Variants in TULP1 observed in about 807,000 individuals in gnomAD.
TULP1 encodes TUB like protein 1, also known as tubby-related protein 1.
A neutral mutation model predicts 67.1 loss-of-function variants in TULP1; 50 were observed. The observed-to-expected ratio is 0.75, with a 90% CI of 0.59 to 0.94. The LOEUF (loss-of-function observed/expected upper bound fraction) is 0.94, where lower values mean the gene tolerates loss of function less well. Ranked by LOEUF, TULP1 falls within the 40% of genes least tolerant of loss-of-function variation. The pLI, the probability that TULP1 is intolerant of heterozygous loss-of-function variation, is 0.00. For synonymous variants in TULP1, 297 were observed against 294.0 expected, an observed-to-expected ratio of 1.01 and a Z score of -0.11; for missense variants, 746 against 734.1, an observed-to-expected ratio of 1.02 and a Z score of -0.19.
chr6:35,504,079 T>C (rs1761029937), intron 11 of TULP1: 2 of 506,508 alleles, frequency 3.9e-6, no homozygotes, highest in Non-Finnish European at 7.2e-6. Flanking sequence ...ACTTTGGGAG[T>C]CAGAGGAGGG....
chr6:35,512,117 T>C, intron 3 of TULP1, 63 bp downstream of exon 3: 1 of 849,958 alleles, frequency 1.2e-6, no homozygotes. Context: ...GCGCCGGCCC[T>C]CAAGCCCCTC....
chr6:35,506,296 C>T lies in TULP1; in HGVS notation c.823-17G>A, dbSNP rs12215920. 35 of 1,562,920 alleles carry T rather than the reference C, an allele frequency of 2.2e-5. No individual in the cohort carries two copies. The African/African-American group carries it at 4.3e-4, about 19-fold the overall frequency. ...CACCGCTTTCTGTGTGCGGAGAGAACAGAGAGGCTGGCTAGAGCAGGGGCC... is the reference window on the plus strand; with the variant it reads ...CACCGCTTTCTGTGTGCGGAGAGAATAGAGAGGCTGGCTAGAGCAGGGGCC... On this transcript the variant is annotated splice_polypyrimidine_tract_variant and intron_variant, in intron 8 of 14. Transcript: ENST00000229771.
chr6:35,504,481 T>C (rs1017367138), intron 11 of TULP1, among the ~76,000 whole-genome samples: 1 of 152,238 alleles, frequency 6.6e-6, no homozygotes, highest in African/African-American at 2.4e-5. Flanking sequence ...CTTCCCCATC[T>C]ATAAAATGGG....
chr6:35,507,411 A>G (rs1761108445), intron 8 of TULP1, among the ~76,000 whole-genome samples: 2 of 151,984 alleles, frequency 1.3e-5, no homozygotes, highest in Non-Finnish European at 2.9e-5. Flanking sequence ...TACTCTGCTA[A>G]GCCACTCCTA....
chr6:35,512,570 C>T (rs182947980), intron 2 of TULP1, 69 bp downstream of exon 2: 1 of 1,607,374 alleles, frequency 6.2e-7, no homozygotes, highest in East Asian at 2.2e-5. Context: ...CCCCTAGACC[C>T]CCTACCCTGC....
chr6:35,504,508 C>T (rs1469583427), intron 11 of TULP1, among the ~76,000 whole-genome samples: 1 of 152,202 alleles, frequency 6.6e-6, no homozygotes, highest in African/African-American at 2.4e-5. Flanking sequence ...AACAGCATTT[C>T]CCTCATTTGG....
intron 13 of TULP1, among the ~76,000 whole-genome samples, chr6:35,500,585 G>A (rs1341419618): frequency 6.6e-6 from 1 of 152,170 alleles, no homozygotes; most frequent in East Asian, 1.9e-4. Context: ...AAAGGAAGGA[G>A]CAGGGTCTGT....
At position 35,512,184 on chromosome 6, in the gene TULP1, G is replaced by A. The variant is rs1435991385; in HGVS notation, c.186C>T (p.Pro62=). 1 of 1,346,318 alleles carries A rather than the reference G, an allele frequency of 7.4e-7. No individual in the cohort carries two copies. Among genetic ancestry groups the A allele is most frequent in the Middle Eastern group, 2.4e-4 (1 of 4,182 alleles). The allele number at this position is 1,346,318 out of a possible 1,614,324, so 83.4% of individuals were successfully genotyped here. ...CGGGCTCTGCACCCCGCCCACCTCC[G>A]GGCTTCCGGGGCTTGGATCCCGTGG... ...PCPTGSKPRK[P]GAGRTGRPRE... is the part of the protein sequence containing the mutation. Residue 62 remains proline, a synonymous_variant, in exon 3 of 15, where the codon CCC becomes CCT. Transcript: ENST00000229771.
Position 35,503,369 on chromosome 6 carries a change from A to C in TULP1, c.1323+190T>G, listed in dbSNP as rs761028953. The C allele has an allele frequency of 3.0e-5, 19 of 623,928 alleles. No individual in the cohort carries two copies. The highest frequency in any genetic ancestry group is 5.1e-5 in the Non-Finnish European group (18 of 356,354). The allele number at this position is 623,928 out of a possible 1,614,324, so 38.6% of individuals were successfully genotyped here. ...TGAATTTGATGTAAACTCCAAAAAC[A>C]ACCAAAAAGCCCATTGTGGTTTTTC... On this transcript the variant is annotated intron_variant, in intron 13 of 14. Transcript: ENST00000229771. This position sits in a 1 kb window ranked among gnomAD's most constrained non-coding sequence, Gnocchi z 4.0.
chr6:35,510,651 CA>C, intron 5 of TULP1: 1 of 1,014,848 alleles, frequency 9.9e-7, no homozygotes, highest in Non-Finnish European at 1.4e-6. Context: ...GCTCAAGGGG[CA>C]GGGGCAGTGG....
rs954359346 is a variant in TULP1 at position 35,504,049 on chromosome 6, C to G, written c.1113-201G>C. The G allele has an allele frequency of 5.4e-6, 3 of 551,850 alleles. No homozygotes were observed. The African/African-American group carries it at 5.7e-5, about 10-fold the overall frequency. 34.2% of individuals were successfully genotyped at this position (551,850 alleles called of 1,614,324 possible). Reference sequence around the variant, plus strand: ...GCTGGCCCAACCCAGGGCATGGTGGCTCAAGCTTGTAATCCCAGCACTTTG... The same window carrying G: ...GCTGGCCCAACCCAGGGCATGGTGGGTCAAGCTTGTAATCCCAGCACTTTG... On this transcript the variant is annotated intron_variant, in intron 11 of 14. Transcript: ENST00000229771.
rs1761236177 is a variant in TULP1 at position 35,512,685 on chromosome 6, T to C, written c.53A>G (p.His18Arg). The C allele has an allele frequency of 1.2e-6, 2 of 1,613,918 alleles. No individual in the cohort carries two copies. The highest frequency in any genetic ancestry group is 1.3e-5 in the African/African-American group (1 of 74,904). The change falls in exon 2 of 15, where the codon CAT becomes CGT. Residue 18 changes from histidine to arginine, a missense_variant. His to Arg is a conservative substitution (Grantham distance 29). Transcript: ENST00000229771. Reference protein sequence around the residue: ...LREVWASDSGHEEESLSPEAP... With the variant: ...LREVWASDSGREEESLSPEAP... ...CTCCGGGCTCAGGCTTTCTTCTTCA[T>C]GCCCACTGAGGGTAGCAAAGGGATC... is the stretch of plus-strand genomic sequence containing the variant.
rs1171864046 is a variant in TULP1 at position 35,511,000 on chromosome 6, C to T, written c.360G>A (p.Glu120=). ...RAPDAEDEEE[E]EEEDEEDEEE... The stretch of plus-strand genomic sequence containing the variant: ...CCTCGTCCTCCTCGTCCTCCTCTTC[C>T]TCCTCCTCCTCTGCAGGTAGAAACT... The change falls in exon 5 of 15, where the codon GAG becomes GAA. Residue 120 remains glutamate, a synonymous_variant. Transcript: ENST00000229771. 1.2e-6 allele frequency: 2 copies of T among 1,605,260 alleles called. No individual in the cohort carries two copies. The highest frequency in any genetic ancestry group is 1.7e-6 in the Non-Finnish European group (2 of 1,179,272).
chr6:35,503,664 A>G lies in TULP1; in HGVS notation c.1225-7T>C. On this transcript the variant is annotated splice_polypyrimidine_tract_variant and splice_region_variant and intron_variant, in intron 12 of 14. Coordinates refer to ENST00000229771, the MANE Select transcript of TULP1 (RefSeq NM_003322.6). This position sits in a 1 kb window ranked among gnomAD's most constrained non-coding sequence, Gnocchi z 4.0. ...AGCCCAGCACGTTGGTTTCCTGGGAAGGAAACAGATGCCTGTGAGGCCAGC... is the reference window on the plus strand; with the variant it reads ...AGCCCAGCACGTTGGTTTCCTGGGAGGGAAACAGATGCCTGTGAGGCCAGC... The G allele has an allele frequency of 6.3e-7, 1 of 1,598,048 alleles. No individual in the cohort carries two copies. Among genetic ancestry groups the G allele is most frequent in the Non-Finnish European group, 8.5e-7 (1 of 1,172,612 alleles).
intron 14 of TULP1, 84 bp downstream of exon 14, chr6:35,499,897 G>C (rs1768792863): frequency 3.3e-6 from 5 of 1,496,084 alleles, no homozygotes; most frequent in Middle Eastern, 1.7e-4. Flanking sequence ...GTGTGTGTGT[G>C]TGAGGGGGTG....
rs750175118 is a variant in TULP1 at position 35,503,583 on chromosome 6, C to G, written c.1299G>C (p.Glu433Asp). The G allele has an allele frequency of 1.3e-6, 2 of 1,584,972 alleles. No individual in the cohort carries two copies. The highest frequency in any genetic ancestry group is 1.7e-6 in the Non-Finnish European group (2 of 1,165,702). ...VIIPGMSAENERVPIRPRNAS... is the reference protein window; with the variant it reads ...VIIPGMSAENDRVPIRPRNAS... ...CATTTCGGGGCCGGATGGGGACCCTCTCGTTCTCCGCACTCATGCCAGGAA... is the reference window on the plus strand; with the variant it reads ...CATTTCGGGGCCGGATGGGGACCCTGTCGTTCTCCGCACTCATGCCAGGAA... The change falls in exon 13 of 15, where the codon GAG (glutamate) becomes GAC (aspartate). Residue 433 changes from glutamate to aspartate, a missense_variant. Physicochemically the swap from Glu to Asp is conservative, Grantham distance 45 (BLOSUM62 2). This residue lies in a region of TULP1 where 383 missense variants were observed against 374.1 expected (regional missense o/e 1.02). Transcript: ENST00000229771. The surrounding 1 kb of genome is among the most constrained non-coding windows in gnomAD (Gnocchi z 4.0).
At chr6:35,499,748 A>G (rs370723023) in intron 14 of TULP1, among the ~76,000 whole-genome samples, 10 of 152,284 alleles carry the variant, frequency 6.6e-5, no homozygotes, top group African/African-American at 1.7e-4. Context: ...GCTCTGGCCA[A>G]TGCTGGAATG....
chr6:35,499,745 C>T (rs944240519), intron 14 of TULP1, among the ~76,000 whole-genome samples: 11 of 152,158 alleles, frequency 7.2e-5, no homozygotes, highest in African/African-American at 2.4e-4. Flanking sequence ...ACTGCTCTGG[C>T]CAATGCTGGA....
chr6:35,512,327 C>T lies in TULP1; in HGVS notation c.100-57G>A, dbSNP rs1272583029. On this transcript the variant is annotated intron_variant, in intron 2 of 14. Coordinates refer to ENST00000229771, the MANE Select transcript of TULP1 (RefSeq NM_003322.6). ...AAGGAAAGGGGGGCGCTGAGGCCCG[C>T]CCATCCCCCTCTAATCCCTTGAGCC... 2.8e-5 allele frequency: 25 copies of T among 886,752 alleles called. No homozygotes were observed. The South Asian group carries it at 5.2e-4, about 18-fold the overall frequency. 54.9% of individuals were successfully genotyped at this position (886,752 alleles called of 1,614,324 possible).
Sources: gnomAD v4.1 joint callset for allele counts (sites outside exome capture counted in the v4.1 genomes callset) on GRCh38, gnomAD v4.1.1 for gene constraint, gnomAD v4.1.1 regional missense constraint, Gnocchi (gnomAD v3.1) non-coding constraint, MANE v1.5 for transcripts, NCBI Gene and HGNC (gene_info 2026-07-23, HGNC 2026-07-21) for gene names.